Variants in GABRB1 observed in about 807,000 individuals in gnomAD.
The protein encoded by GABRB1 is gamma-aminobutyric acid type A receptor subunit beta1.
GABRB1 carries 17 observed loss-of-function variants against 51.6 expected under a neutral mutation model. The ratio of observed to expected loss-of-function variants is 0.33; its 90% CI spans 0.23 to 0.49. The LOEUF is 0.49. Ranked by LOEUF, GABRB1 falls within the 20% of genes least tolerant of loss-of-function variation. GABRB1 has a pLI of 0.99. For synonymous variants in GABRB1, 247 were observed against 218.9 expected, an observed-to-expected ratio of 1.13 and a Z score of -1.14; for missense variants, 410 against 600.6, an observed-to-expected ratio of 0.68 and a Z score of 3.32.
At chr4:47,252,354 C>A (rs1216203468) in intron 4 of GABRB1, among the ~76,000 whole-genome samples, 1 of 152,166 alleles carries the variant, frequency 6.6e-6, no homozygotes, top group East Asian at 1.9e-4. Flanking sequence ...AGTTGGGGCA[C>A]TCACAGTATT....
intron 1 of GABRB1, among the ~76,000 whole-genome samples, chr4:47,018,798 G>A (rs1724825218): frequency 6.6e-6 from 1 of 152,152 alleles, no homozygotes; most frequent in Non-Finnish European, 1.5e-5. Flanking sequence ...GTCTTTACAT[G>A]TGAGTAGGCT....
intron 8 of GABRB1, among the ~76,000 whole-genome samples, chr4:47,415,666 G>A (rs1156296318): frequency 6.6e-6 from 1 of 152,134 alleles, no homozygotes; most frequent in African/African-American, 2.4e-5. Context: ...TATCATCAGA[G>A]GAAGGTAGAA....
intron 4 of GABRB1, among the ~76,000 whole-genome samples, chr4:47,265,941 T>A (rs1209599687): frequency 6.6e-6 from 1 of 152,184 alleles, no homozygotes; most frequent in East Asian, 1.9e-4. Flanking sequence ...GCAGAAGCTT[T>A]TTAGTTTAAG....
chr4:47,016,622 T>G (rs1444084141), intron 1 of GABRB1, among the ~76,000 whole-genome samples: 1 of 152,130 alleles, frequency 6.6e-6, no homozygotes, highest in African/African-American at 2.4e-5. Context: ...GGAGTCTCAC[T>G]CTGTCACCCA....
At chr4:47,375,515 T>C (rs1283573799) in intron 5 of GABRB1, among the ~76,000 whole-genome samples, 1 of 152,204 alleles carries the variant, frequency 6.6e-6, no homozygotes, top group South Asian at 2.1e-4. Context: ...TCCAGTCCTG[T>C]TTACACTAAA....
intron 5 of GABRB1, among the ~76,000 whole-genome samples, chr4:47,382,188 T>C (rs185315602): frequency 4.4e-4 from 67 of 152,328 alleles, no homozygotes; most frequent in Admixed American, 2.0e-3. Context: ...CAGCATCTCA[T>C]AGCTATAGGC....
intron 4 of GABRB1, among the ~76,000 whole-genome samples, chr4:47,189,944 A>G (rs1476203443): frequency 6.6e-6 from 1 of 152,048 alleles, no homozygotes; most frequent in African/African-American, 2.4e-5. Flanking sequence ...GGCTCTCACT[A>G]GTGTCCAGTG....
At chr4:47,205,843 C>T (rs543402746) in intron 4 of GABRB1, among the ~76,000 whole-genome samples, 20 of 152,124 alleles carry the variant, frequency 1.3e-4, no homozygotes, top group East Asian at 5.8e-4. Context: ...TTGCTAAATA[C>T]GGTATTTTGG....
chr4:47,005,729 T>C (rs1350929761), intron 1 of GABRB1, among the ~76,000 whole-genome samples: 1 of 51,160 alleles, frequency 2.0e-5, no homozygotes, highest in African/African-American at 6.1e-5. Context: ...TTCTCTAAAA[T>C]TAGGAACCAG....
At chr4:47,006,677 A>G (rs754492659) in intron 1 of GABRB1, among the ~76,000 whole-genome samples, 1 of 152,238 alleles carries the variant, frequency 6.6e-6, no homozygotes, top group Non-Finnish European at 1.5e-5. Context: ...TATTTTCAAC[A>G]TATTTGGCTT....
chr4:47,218,509 T>G (rs1269165236), intron 4 of GABRB1, among the ~76,000 whole-genome samples: 1 of 151,942 alleles, frequency 6.6e-6, no homozygotes, highest in Non-Finnish European at 1.5e-5. Context: ...CTTTTTTGTC[T>G]TTTTGATTAT....
chr4:47,161,806 T>C (rs1577963511), intron 4 of GABRB1, among the ~76,000 whole-genome samples: 1 of 152,196 alleles, frequency 6.6e-6, no homozygotes, highest in East Asian at 1.9e-4. Context: ...CATAAACTCA[T>C]ATATGCCTCA....
chr4:47,252,228 C>T (rs1003644444), intron 4 of GABRB1, among the ~76,000 whole-genome samples: 1 of 151,918 alleles, frequency 6.6e-6, no homozygotes, highest in South Asian at 2.1e-4. Flanking sequence ...TCTCTTGGGT[C>T]TCTAAATTGA....
intron 3 of GABRB1, among the ~76,000 whole-genome samples, chr4:47,074,806 C>T (rs1234253501): frequency 6.6e-6 from 1 of 152,152 alleles, no homozygotes; most frequent in Non-Finnish European, 1.5e-5. Flanking sequence ...GATAAGGTTG[C>T]AATTGTTCAT....
At chr4:47,416,802 T>G (rs929564489) in intron 8 of GABRB1, among the ~76,000 whole-genome samples, 1 of 151,980 alleles carries the variant, frequency 6.6e-6, no homozygotes, top group Non-Finnish European at 1.5e-5. Context: ...TGTCACCCTG[T>G]TTTACATTGT....
At chr4:47,264,122 A>G (rs1019994119) in intron 4 of GABRB1, among the ~76,000 whole-genome samples, 11 of 152,158 alleles carry the variant, frequency 7.2e-5, no homozygotes, top group Non-Finnish European at 1.6e-4. Context: ...AGCCTGGGCA[A>G]AAGTGCAAGA....
At chr4:47,049,138 T>C (rs1726233743) in intron 3 of GABRB1, among the ~76,000 whole-genome samples, 1 of 152,090 alleles carries the variant, frequency 6.6e-6, no homozygotes, top group African/African-American at 2.4e-5. Context: ...CTCCCTCCTT[T>C]GGCATCCATG....
intron 4 of GABRB1, among the ~76,000 whole-genome samples, chr4:47,257,291 C>T (rs1429441835): frequency 6.6e-6 from 1 of 152,140 alleles, no homozygotes; most frequent in Non-Finnish European, 1.5e-5. Context: ...AGTAACAGCC[C>T]TTCTGTTCCT....
intron 3 of GABRB1, among the ~76,000 whole-genome samples, chr4:47,040,643 G>A (rs1158080194): frequency 6.6e-6 from 1 of 152,080 alleles, no homozygotes; most frequent in Non-Finnish European, 1.5e-5. Context: ...AAGGCACTTG[G>A]GGAAGAATTG....
Sources: gnomAD v4.1 joint callset for allele counts (sites outside exome capture counted in the v4.1 genomes callset) on GRCh38, gnomAD v4.1.1 for gene constraint, MANE v1.5 for transcripts, NCBI Gene and HGNC (gene_info 2026-07-23, HGNC 2026-07-21) for gene names.